ZBTB8OS: variants seen among roughly 807,000 people sequenced by gnomAD.
ZBTB8OS encodes tRNA splicing ligase complex subunit 1.
A neutral mutation model predicts 29.3 loss-of-function variants in ZBTB8OS; 16 were observed. The ratio of observed to expected loss-of-function variants is 0.55; its 90% CI spans 0.37 to 0.83. The LOEUF (loss-of-function observed/expected upper bound fraction) is 0.83. Ranked by LOEUF, ZBTB8OS falls within the 40% of genes least tolerant of loss-of-function variation. The pLI is 0.00. For missense variants in ZBTB8OS, 160 were observed against 196.9 expected (o/e 0.81, Z 1.12); for synonymous variants, 70 against 64.6 (o/e 1.08, Z -0.40).
chr1:32,634,744 G>A (rs374006995), intron 2 of ZBTB8OS, 24 bp downstream of exon 2: 2 of 1,613,928 alleles, frequency 1.2e-6, no homozygotes, highest in Non-Finnish European at 1.7e-6. Context: ...TGGTTTCAAA[G>A]GAATGAACTC....
At chr1:32,639,535 G>A (rs1440120238) in intron 1 of ZBTB8OS, among the ~76,000 whole-genome samples, 2 of 152,096 alleles carry the variant, frequency 1.3e-5, no homozygotes, top group African/African-American at 4.8e-5. Context: ...TGAGGCAGGA[G>A]GACAGCATGA....
intron 5 of ZBTB8OS, among the ~76,000 whole-genome samples, chr1:32,630,317 T>A (rs1645447548): frequency 6.6e-6 from 1 of 151,076 alleles, no homozygotes; most frequent in Non-Finnish European, 1.5e-5. Context: ...GCTTGAACTC[T>A]GGAGGCAGAG....
chr1:32,638,230 CTTTTTTTTT>C (rs760775116), intron 1 of ZBTB8OS, among the ~76,000 whole-genome samples: 1 of 102,150 alleles, frequency 9.8e-6, no homozygotes, highest in Non-Finnish European at 1.9e-5. Flanking sequence ...CTCCAGAATT[CTTTTTTTTT>C]TTTTTTTTTT....
chr1:32,636,693 GA>G (rs57720228), intron 1 of ZBTB8OS, among the ~76,000 whole-genome samples: 114 of 138,100 alleles, frequency 8.3e-4, no homozygotes, highest in East Asian at 1.3e-3. Flanking sequence ...TCAAAAAATG[GA>G]AAAAAAAAAA....
chr1:32,628,651 T>A (rs567040742), intron 5 of ZBTB8OS, among the ~76,000 whole-genome samples: 13 of 121,736 alleles, frequency 1.1e-4, no homozygotes, highest in East Asian at 2.5e-4. Flanking sequence ...AAAAAAAAAA[T>A]TTAATTCTAG....
At chr1:32,648,862 T>A (rs2148489629) in intron 1 of ZBTB8OS, among the ~76,000 whole-genome samples, 1 of 151,888 alleles carries the variant, frequency 6.6e-6, no homozygotes, top group African/African-American at 2.4e-5. Flanking sequence ...TTTCACCATG[T>A]TGGCCAGGCC....
At chr1:32,646,457 G>A (rs1187231061) in intron 1 of ZBTB8OS, among the ~76,000 whole-genome samples, 2 of 150,682 alleles carry the variant, frequency 1.3e-5, no homozygotes, top group African/African-American at 2.4e-5. Context: ...GTGCAATCTC[G>A]GCTCACTGCA....
chr1:32,650,665 A>C (rs1570806505), upstream of ZBTB8OS: 1 of 1,536,572 alleles, frequency 6.5e-7, no homozygotes, highest in Non-Finnish European at 8.8e-7. Flanking sequence ...TTGGCTGTTG[A>C]CCTACTTTAG....
At chr1:32,641,265 G>GTTTTT (rs1160526101) in intron 1 of ZBTB8OS, among the ~76,000 whole-genome samples, 5 of 97,266 alleles carry the variant, frequency 5.1e-5, no homozygotes, top group Non-Finnish European at 8.0e-5. Flanking sequence ...AATTACACAA[G>GTTTTT]TTTTTTTTTT....
chr1:32,648,193 TAAA>T (rs1459740506), intron 1 of ZBTB8OS, among the ~76,000 whole-genome samples: 1 of 152,118 alleles, frequency 6.6e-6, no homozygotes, highest in Non-Finnish European at 1.5e-5. Context: ...TTAGAAAAGA[TAAA>T]AAAGTATGGT....
intron 1 of ZBTB8OS, among the ~76,000 whole-genome samples, chr1:32,649,544 AT>A (rs1647123765): frequency 6.6e-6 from 1 of 152,030 alleles, no homozygotes; most frequent in Non-Finnish European, 1.5e-5. Flanking sequence ...AAGCGAATAA[AT>A]GGCAAAACCA....
At chr1:32,643,260 C>T (rs933639095) in intron 1 of ZBTB8OS, among the ~76,000 whole-genome samples, 4 of 148,928 alleles carry the variant, frequency 2.7e-5, no homozygotes, top group African/African-American at 7.4e-5. Flanking sequence ...TTAGTAGAGA[C>T]GGGGGTTTCT....
intron 1 of ZBTB8OS, among the ~76,000 whole-genome samples, chr1:32,645,983 T>A (rs1646797555): frequency 6.6e-6 from 1 of 152,166 alleles, no homozygotes; most frequent in Non-Finnish European, 1.5e-5. Flanking sequence ...AAAATTCACT[T>A]ATGACACGGG....
At chr1:32,624,826 G>A (rs982809185) in intron 6 of ZBTB8OS, among the ~76,000 whole-genome samples, 1 of 151,822 alleles carries the variant, frequency 6.6e-6, no homozygotes, top group Non-Finnish European at 1.5e-5. Flanking sequence ...CCTGGGAGGT[G>A]GAGGTTGCAG....
chr1:32,650,872 A>G (rs899477106), upstream of ZBTB8OS: 7 of 481,392 alleles, frequency 1.5e-5, no homozygotes, highest in Non-Finnish European at 2.2e-5. Flanking sequence ...AAGGCATTCT[A>G]GATTTTTCAT....
At chr1:32,639,010 T>A (rs568194400) in intron 1 of ZBTB8OS, among the ~76,000 whole-genome samples, 2 of 151,794 alleles carry the variant, frequency 1.3e-5, no homozygotes, top group Non-Finnish European at 2.9e-5. Flanking sequence ...AAAGATGGAG[T>A]TTCCTGGCCA....
At chr1:32,646,474 G>A (rs1408713240) in intron 1 of ZBTB8OS, among the ~76,000 whole-genome samples, 4 of 150,942 alleles carry the variant, frequency 2.7e-5, no homozygotes, top group African/African-American at 7.3e-5. Flanking sequence ...TGCAAGCTCC[G>A]CCTCCCGGGT....
chr1:32,637,675 A>G (rs1295441842), intron 1 of ZBTB8OS, among the ~76,000 whole-genome samples: 3 of 152,154 alleles, frequency 2.0e-5, no homozygotes, highest in Middle Eastern at 3.2e-3. Flanking sequence ...AAGACAAGGA[A>G]GTGGAGGATT....
intron 1 of ZBTB8OS, among the ~76,000 whole-genome samples, chr1:32,641,415 A>T (rs1441979635): frequency 2.7e-5 from 4 of 150,106 alleles, no homozygotes; most frequent in Non-Finnish European, 4.4e-5. Flanking sequence ...CTGGGATTAC[A>T]GGGATGCACC....
Sources: gnomAD v4.1 joint callset for allele counts (sites outside exome capture counted in the v4.1 genomes callset) on GRCh38, gnomAD v4.1.1 for gene constraint, MANE v1.5 for transcripts, NCBI Gene and HGNC (gene_info 2026-07-23, HGNC 2026-07-21) for gene names.